The following NEK7 variants were observed in gnomAD, a reference collection of about 807,000 sequenced individuals.
The protein encoded by NEK7 is serine/threonine-protein kinase Nek7.
In NEK7, 18 loss-of-function variants were observed where a neutral mutation model predicts 44.6. The observed-to-expected ratio is 0.40, with a 90% CI of 0.28 to 0.60. The LOEUF (loss-of-function observed/expected upper bound fraction) is 0.60. NEK7 is among the 20% of genes least tolerant of loss of function. The pLI is 0.38. For synonymous variants in NEK7, 130 were observed against 121.1 expected, an observed-to-expected ratio of 1.07 and a Z score of -0.48; for missense variants, 256 against 366.5, an observed-to-expected ratio of 0.70 and a Z score of 2.46.
At chr1:198,297,040 A>T in intron 8 of NEK7, 87 bp from the exon 9 acceptor site, 1 of 808,630 alleles carries the variant, frequency 1.2e-6, no homozygotes, top group East Asian at 2.7e-5. Context: ...ATTTGTGATT[A>T]TTTTCTACCC....
At chr1:198,167,613 T>G (rs751343441) in intron 1 of NEK7, among the ~76,000 whole-genome samples, 2 of 152,196 alleles carry the variant, frequency 1.3e-5, no homozygotes, top group South Asian at 4.1e-4. Flanking sequence ...TTTACAAAAT[T>G]TCTCTCAACT....
chr1:198,223,242 G>C (rs73078783), intron 1 of NEK7, among the ~76,000 whole-genome samples: 1,843 of 152,282 alleles, frequency 0.012, 34 homozygotes, highest in African/African-American at 0.042. Context: ...TCAATTAGTA[G>C]GCTATTATGG....
chr1:198,221,153 T>C (rs757057241), intron 1 of NEK7: 7 of 152,102 alleles, frequency 4.6e-5, no homozygotes, highest in Non-Finnish European at 1.0e-4. Flanking sequence ...ACTGTGTCAA[T>C]AATTCATTTT....
intron 9 of NEK7, among the ~76,000 whole-genome samples, chr1:198,302,815 C>T (rs375993163): frequency 1.3e-5 from 2 of 152,160 alleles, no homozygotes; most frequent in East Asian, 3.9e-4. Flanking sequence ...AAGTAGAGAC[C>T]TAGACAATGT....
intron 5 of NEK7, among the ~76,000 whole-genome samples, chr1:198,275,688 G>T (rs967500177): frequency 2.0e-5 from 3 of 151,164 alleles, no homozygotes; most frequent in Admixed American, 1.3e-4. Context: ...GGAAGTTCCT[G>T]CTTTGTAGTG....
At chr1:198,312,384 A>C (rs1655216021) in intron 9 of NEK7, among the ~76,000 whole-genome samples, 2 of 151,172 alleles carry the variant, frequency 1.3e-5, no homozygotes, top group South Asian at 4.3e-4. Flanking sequence ...CCTTTCAAAA[A>C]ACCAGCTCCT....
At chr1:198,214,693 C>T (rs1037853731) in intron 1 of NEK7, among the ~76,000 whole-genome samples, 5 of 151,996 alleles carry the variant, frequency 3.3e-5, no homozygotes, top group African/African-American at 1.2e-4. Context: ...TATAAATTGG[C>T]CAAACCTAAG....
chr1:198,252,316 A>T lies in NEK7; in HGVS notation c.58-724A>T, dbSNP rs895059467. Reference sequence around the variant, plus strand: ...CCACCTATGTGGTCAATTTTGGAATAGGTGTGGTGTGGTGCTGAAAAAAAT... The same window carrying T: ...CCACCTATGTGGTCAATTTTGGAATTGGTGTGGTGTGGTGCTGAAAAAAAT... On this transcript the variant is annotated intron_variant, in intron 2 of 9. Coordinates refer to ENST00000367385, the MANE Select transcript of NEK7 (RefSeq NM_133494.3). Among the ~76,000 whole-genome samples, 6 of 151,620 alleles carry T rather than the reference A, an allele frequency of 4.0e-5. No individual in the cohort carries two copies. The East Asian group carries it at 1.2e-3, about 29-fold the overall frequency.
intron 2 of NEK7, 27 bp from the exon 3 acceptor site, chr1:198,253,013 A>C (rs1440760556): frequency 1.3e-6 from 2 of 1,593,832 alleles, no homozygotes; most frequent in African/African-American, 2.7e-5. Flanking sequence ...GTGTGATTGA[A>C]AATTTTTCTG....
chr1:198,298,154 C>G (rs987515214), intron 9 of NEK7, among the ~76,000 whole-genome samples: 5 of 152,132 alleles, frequency 3.3e-5, no homozygotes. Flanking sequence ...CGCACCTTCT[C>G]ATGAGCAACA....
At chr1:198,240,192 T>C (rs1224734732) in intron 2 of NEK7, among the ~76,000 whole-genome samples, 2 of 152,342 alleles carry the variant, frequency 1.3e-5, no homozygotes, top group African/African-American at 4.8e-5. Flanking sequence ...AACTGTCAAA[T>C]TGGGGAATGA....
intron 1 of NEK7, among the ~76,000 whole-genome samples, chr1:198,171,485 C>T (rs1446314578): frequency 6.6e-6 from 1 of 151,984 alleles, no homozygotes; most frequent in Non-Finnish European, 1.5e-5. Context: ...TCGAGACCAG[C>T]CTGACCAACA....
chr1:198,187,631 A>T (rs1411482625), intron 1 of NEK7, among the ~76,000 whole-genome samples: 2 of 152,226 alleles, frequency 1.3e-5, no homozygotes, highest in Admixed American at 1.3e-4. Flanking sequence ...AGTCATGGTC[A>T]CAATGTCTGG....
rs996096380 is a variant in NEK7 at position 198,244,814 on chromosome 1, G to GA, written c.58-8216dup. 1.2e-3 allele frequency among the ~76,000 whole-genome samples: 174 copies of GA among 147,384 alleles called. No individual in the cohort carries two copies. In the Middle Eastern group the frequency reaches 0.021, roughly 17 times the overall value. The stretch of plus-strand genomic sequence containing the variant: ...CTTCATGGCATTTTGATAAAAAGCT[G>GA]AAAAAAAAAACCCCCACTTTGGTCT... On this transcript the variant is annotated intron_variant, in intron 2 of 9. Transcript: ENST00000367385.
intron 1 of NEK7, among the ~76,000 whole-genome samples, chr1:198,195,905 A>T (rs1242223814): frequency 6.6e-6 from 1 of 152,224 alleles, no homozygotes; most frequent in African/African-American, 2.4e-5. Flanking sequence ...ACATTTATTA[A>T]TCTGTATTTA....
At chr1:198,192,088 A>G (rs1665095816) in intron 1 of NEK7, among the ~76,000 whole-genome samples, 1 of 151,888 alleles carries the variant, frequency 6.6e-6, no homozygotes, top group East Asian at 1.9e-4. Context: ...TTCATATTTT[A>G]GAATTAATTT....
intron 9 of NEK7, among the ~76,000 whole-genome samples, chr1:198,317,745 T>G (rs916887122): frequency 5.9e-5 from 9 of 152,124 alleles, no homozygotes; most frequent in African/African-American, 1.9e-4. Context: ...CTGCTTGCTT[T>G]CTTGTTTTTA....
At chr1:198,161,215 T>C (rs1274502864) in intron 1 of NEK7, among the ~76,000 whole-genome samples, 5 of 152,224 alleles carry the variant, frequency 3.3e-5, no homozygotes, top group Non-Finnish European at 7.3e-5. Context: ...TTTGTAAATC[T>C]TATTAGTAGT....
chr1:198,290,204 CT>C (rs746162623), intron 7 of NEK7, among the ~76,000 whole-genome samples: 8 of 152,168 alleles, frequency 5.3e-5, no homozygotes, highest in Non-Finnish European at 1.0e-4. Flanking sequence ...AGTCTTCAAG[CT>C]TCTCAATACA....
Sources: allele counts gnomAD v4.1 joint callset (sites outside exome capture counted in the v4.1 genomes callset), GRCh38; gene constraint gnomAD v4.1.1; transcripts MANE v1.5; gene names NCBI Gene and HGNC (gene_info 2026-07-23, HGNC 2026-07-21).